HLF: variants seen among roughly 807,000 people sequenced by gnomAD.
The protein encoded by HLF is hepatic leukemia factor.
A neutral mutation model predicts 22.6 loss-of-function variants in HLF; 3 were observed. That is an observed-to-expected ratio of 0.13 (90% CI 0.06 to 0.34). HLF has a LOEUF of 0.34. Ranked by LOEUF, HLF falls within the 10% of genes least tolerant of loss-of-function variation. The pLI, the probability that HLF is intolerant of heterozygous loss-of-function variation, is 1.00. For synonymous variants in HLF, 151 were observed against 151.8 expected (o/e 0.99, Z 0.04); for missense variants, 299 against 389.2 (o/e 0.77, Z 1.95).
In HLF at chr17:55,265,505, G is replaced by T; in HGVS notation, c.21G>T (p.Pro7=). 6.2e-7 allele frequency: 1 copy of T among 1,606,612 alleles called. No homozygotes were observed. The highest frequency in any genetic ancestry group is 8.5e-7 in the Non-Finnish European group (1 of 1,175,672). The change falls in exon 1 of 4, where the codon CCG becomes CCT. Residue 7 remains proline (P), a synonymous_variant. Coordinates refer to ENST00000226067, the MANE Select transcript of HLF (RefSeq NM_002126.5). ...TCGCGATGGAGAAAATGTCCCGACC[G>T]CTCCCCCTGAATCCCACCTTTATCC... MEKMSR[P]LPLNPTFIPP... is the part of the protein sequence containing the mutation.
chr17:55,277,677 A>G (rs2080918073), intron 2 of HLF, among the ~76,000 whole-genome samples: 1 of 152,020 alleles, frequency 6.6e-6, no homozygotes, highest in African/African-American at 2.4e-5. Context: ...TTGCTCAAGC[A>G]CCCCCTGAAG....
intron 2 of HLF, among the ~76,000 whole-genome samples, chr17:55,298,615 A>G (rs2081130101): frequency 1.3e-5 from 2 of 152,204 alleles, no homozygotes; most frequent in South Asian, 4.1e-4. Flanking sequence ...CTAGAATGTT[A>G]TTCTAGTGTA....
At chr17:55,266,921 C>A in intron 1 of HLF, 1 of 448,654 alleles carries the variant, frequency 2.2e-6, no homozygotes, top group Non-Finnish European at 2.9e-6. Context: ...AATAGCTCTG[C>A]TTTTGAAAGG....
chr17:55,309,579 C>T (rs1452898500), intron 2 of HLF, among the ~76,000 whole-genome samples: 1 of 152,152 alleles, frequency 6.6e-6, no homozygotes, highest in Non-Finnish European at 1.5e-5. Context: ...CAGAGGTGAG[C>T]AGGAGGGAAA....
intron 1 of HLF, chr17:55,265,968 A>T: frequency 3.8e-6 from 2 of 525,074 alleles, no homozygotes; most frequent in Non-Finnish European, 5.0e-6. Flanking sequence ...CGGGCTGGGG[A>T]GGAGAAACCC....
intron 2 of HLF, among the ~76,000 whole-genome samples, chr17:55,277,805 A>G (rs1008318523): frequency 6.6e-6 from 1 of 152,216 alleles, no homozygotes; most frequent in Non-Finnish European, 1.5e-5. Flanking sequence ...AGCTACATAG[A>G]GTAGACAATT....
At position 55,270,787 on chromosome 17, in the gene HLF, T is replaced by A. The variant is rs147972920; in HGVS notation, c.451+2701T>A. 6.3e-3 allele frequency among the ~76,000 whole-genome samples: 956 copies of A among 151,594 alleles called. 13 individuals are homozygous for A. The highest frequency in any genetic ancestry group is 0.021 in the African/African-American group (878 of 41,312). On this transcript the variant is annotated intron_variant, in intron 2 of 3. Transcript: ENST00000226067. Reference sequence around the variant, plus strand: ...GCCATTCTCCTGTCTCAGCCTCCCGTGTAGCGCCACCACGCCCGGCTAATT... The same window carrying A: ...GCCATTCTCCTGTCTCAGCCTCCCGAGTAGCGCCACCACGCCCGGCTAATT...
chr17:55,298,070 T>A (rs1472385075), intron 2 of HLF, among the ~76,000 whole-genome samples: 1 of 152,062 alleles, frequency 6.6e-6, no homozygotes, highest in African/African-American at 2.4e-5. Flanking sequence ...TCTTTTCCTG[T>A]TTGAAGAAAC....
chr17:55,314,496 G>T (rs1431890754), intron 2 of HLF, among the ~76,000 whole-genome samples: 1 of 152,086 alleles, frequency 6.6e-6, no homozygotes, highest in East Asian at 1.9e-4. Flanking sequence ...TCACTGCTCA[G>T]CATCTCTCAC....
chr17:55,318,179 G>A (rs1905138930), intron 3 of HLF, among the ~76,000 whole-genome samples: 1 of 152,184 alleles, frequency 6.6e-6, no homozygotes, highest in Non-Finnish European at 1.5e-5. Context: ...AAAGGGGGCA[G>A]AGGATGGAGT....
chr17:55,270,100 C>T (rs529399065), intron 2 of HLF, among the ~76,000 whole-genome samples: 142 of 152,310 alleles, frequency 9.3e-4, no homozygotes, highest in African/African-American at 3.4e-3. Flanking sequence ...TCTCAGAAGG[C>T]TTGGAATGCC....
At chr17:55,314,075 C>G (rs947679787) in intron 2 of HLF, among the ~76,000 whole-genome samples, 1 of 152,138 alleles carries the variant, frequency 6.6e-6, no homozygotes, top group African/African-American at 2.4e-5. Context: ...TGAACGACAT[C>G]CTCTCATTTA....
chr17:55,294,431 T>C (rs1257179544), intron 2 of HLF, among the ~76,000 whole-genome samples: 1 of 152,216 alleles, frequency 6.6e-6, no homozygotes, highest in African/African-American at 2.4e-5. Flanking sequence ...TTCACCTCCA[T>C]GTGCTTTTCA....
chr17:55,265,907 C>T, intron 1 of HLF: 4 of 1,076,386 alleles, frequency 3.7e-6, no homozygotes, highest in Non-Finnish European at 4.5e-6. Flanking sequence ...TTCCCTAGAA[C>T]GAGGCACACC....
rs944305922 is a variant in HLF, at chr17:55,321,021, G to A, written c.*142G>A. On this transcript the variant is annotated 3_prime_UTR_variant, in exon 4 of 4. Transcript: ENST00000226067. The stretch of plus-strand genomic sequence containing the variant: ...CTGACTCCCATTTTGGTGTGCATCT[G>A]TGTGTGTGTGCGTGTATATGTGCTT... 135 of 640,700 alleles carry A rather than the reference G, an allele frequency of 2.1e-4. No individual in the cohort carries two copies. The highest frequency in any genetic ancestry group is 2.2e-5 in the Non-Finnish European group (8 of 359,894). The allele number at this position is 640,700 out of a possible 1,614,324, so 39.7% of individuals were successfully genotyped here. A position where few individuals can be genotyped will look rare whatever the true frequency, so the allele number is the denominator to read the frequency against.
At chr17:55,311,434 G>A (rs1427529600) in intron 2 of HLF, among the ~76,000 whole-genome samples, 1 of 152,118 alleles carries the variant, frequency 6.6e-6, no homozygotes, top group Non-Finnish European at 1.5e-5. Flanking sequence ...AATCCAGGGG[G>A]TGGAGGTTGC....
intron 2 of HLF, among the ~76,000 whole-genome samples, chr17:55,294,909 C>T (rs1301029658): frequency 1.3e-5 from 2 of 152,270 alleles, no homozygotes; most frequent in Middle Eastern, 3.4e-3. Flanking sequence ...TCTGTTATAT[C>T]GGTGATTTAA....
chr17:55,307,147 CTT>C (rs35828509), intron 2 of HLF, among the ~76,000 whole-genome samples: 8 of 70,162 alleles, frequency 1.1e-4, no homozygotes, highest in South Asian at 1.3e-3. Context: ...TCTCAGCGGC[CTT>C]TTTTTTTTTT....
intron 2 of HLF, among the ~76,000 whole-genome samples, chr17:55,287,600 G>GGAC (rs1387482116): frequency 2.6e-5 from 4 of 152,210 alleles, no homozygotes; most frequent in Non-Finnish European, 4.4e-5. Context: ...TATTCAGAAA[G>GGAC]GACTGTGTCT....
Sources: allele counts gnomAD v4.1 joint callset (sites outside exome capture counted in the v4.1 genomes callset), GRCh38; gene constraint gnomAD v4.1.1; transcripts MANE v1.5; gene names NCBI Gene and HGNC (gene_info 2026-07-23, HGNC 2026-07-21).